USP37: variants seen among roughly 807,000 people sequenced by gnomAD.
USP37 encodes ubiquitin specific peptidase 37, also known as ubiquitin carboxyl-terminal hydrolase 37.
USP37 carries 27 observed loss-of-function variants against 124.0 expected under a neutral mutation model. That is an observed-to-expected ratio of 0.22 (90% CI 0.16 to 0.30). The LOEUF is 0.30. USP37 is among the 10% of genes least tolerant of loss of function. USP37 has a pLI of 1.00. For synonymous variants in USP37, 365 were observed against 388.0 expected (o/e 0.94, Z 0.70); for missense variants, 889 against 1,140.4 (o/e 0.78, Z 3.17).
chr2:218,497,310 A>C (rs1449507178), intron 13 of USP37, among the ~76,000 whole-genome samples: 1 of 149,290 alleles, frequency 6.7e-6, no homozygotes. Flanking sequence ...TGACCTCATG[A>C]TCCACCCACC....
intron 10 of USP37, among the ~76,000 whole-genome samples, chr2:218,513,711 A>G (rs1203494121): frequency 1.3e-5 from 2 of 152,228 alleles, no homozygotes; most frequent in Non-Finnish European, 2.9e-5. Context: ...AGATTCATCC[A>G]TTCTGCTGGG....
At chr2:218,477,013 T>TA in intron 18 of USP37, 32 bp from the exon 19 acceptor site, 1 of 1,478,686 alleles carries the variant, frequency 6.8e-7, no homozygotes, top group Non-Finnish European at 9.0e-7. Flanking sequence ...AAAAGCCTGA[T>TA]AAACATTTGT....
At position 218,483,809 on chromosome 2, in the gene USP37, C is replaced by T. The variant is rs546557333; in HGVS notation, c.1671-1575G>A. 5.9e-5 allele frequency among the ~76,000 whole-genome samples: 9 copies of T among 152,292 alleles called. No homozygotes were observed. The East Asian group carries it at 1.7e-3, about 29-fold the overall frequency. ...CTTTGCCTTAAGATTCTTCCTCCCA[C>T]CTTCCTGGCCTCAAACCACTCACAA... On this transcript the variant is annotated intron_variant, in intron 16 of 25. Coordinates refer to ENST00000258399, the MANE Select transcript of USP37 (RefSeq NM_020935.3).
intron 11 of USP37, among the ~76,000 whole-genome samples, chr2:218,502,318 A>C (rs112557180): frequency 0.013 from 1,948 of 152,278 alleles, 48 homozygotes; most frequent in African/African-American, 0.045. Flanking sequence ...GAAAATCACA[A>C]TATTTAAAAT....
intron 11 of USP37, among the ~76,000 whole-genome samples, chr2:218,500,049 G>A (rs1314915736): frequency 4.0e-5 from 6 of 151,456 alleles, no homozygotes; most frequent in East Asian, 2.0e-4. Flanking sequence ...GATTACAGGC[G>A]TGAGCCACTG....
chr2:218,480,850 G>A (rs1368129002), intron 17 of USP37, among the ~76,000 whole-genome samples: 1 of 152,332 alleles, frequency 6.6e-6, no homozygotes, highest in East Asian at 1.9e-4. Flanking sequence ...AAGCAAAAAC[G>A]TGAAAAGCTG....
At chr2:218,480,139 C>G (rs1324359582) in intron 17 of USP37, among the ~76,000 whole-genome samples, 4 of 150,242 alleles carry the variant, frequency 2.7e-5, no homozygotes, top group Non-Finnish European at 5.9e-5. Context: ...GAGTGAGACT[C>G]CATCTCAAAA....
intron 2 of USP37, among the ~76,000 whole-genome samples, chr2:218,561,366 T>C (rs1344616827): frequency 2.0e-5 from 3 of 152,170 alleles, no homozygotes; most frequent in Non-Finnish European, 4.4e-5. Flanking sequence ...CCATCAATTC[T>C]GCCTCCACAG....
chr2:218,504,315 ATTTC>A, intron 11 of USP37, among the ~76,000 whole-genome samples: 1 of 152,118 alleles, frequency 6.6e-6, no homozygotes, highest in Non-Finnish European at 1.5e-5. Context: ...TTCTACGTAT[ATTTC>A]TAGTATGCAG....
intron 20 of USP37, among the ~76,000 whole-genome samples, chr2:218,467,916 C>T (rs557828709): frequency 2.4e-4 from 36 of 147,146 alleles, no homozygotes; most frequent in African/African-American, 8.4e-4. Flanking sequence ...AAGACTGAGT[C>T]TTGCTCTGTC....
intron 22 of USP37, among the ~76,000 whole-genome samples, chr2:218,460,366 C>A: frequency 6.6e-6 from 1 of 151,954 alleles, no homozygotes; most frequent in East Asian, 1.9e-4. Flanking sequence ...CGTAATATGA[C>A]GGTCCAACAC....
At chr2:218,491,707 T>C (rs1688787469) in intron 14 of USP37, among the ~76,000 whole-genome samples, 1 of 152,186 alleles carries the variant, frequency 6.6e-6, no homozygotes, top group African/African-American at 2.4e-5. Flanking sequence ...AAGCCATCAT[T>C]ATACTGGGAG....
chr2:218,565,345 A>G (rs1437070548), intron 1 of USP37, among the ~76,000 whole-genome samples: 2 of 152,242 alleles, frequency 1.3e-5, no homozygotes, highest in Non-Finnish European at 2.9e-5. Flanking sequence ...TATACAAACC[A>G]CTACTCTGAT....
chr2:218,496,871 G>C (rs1689110165), intron 13 of USP37, among the ~76,000 whole-genome samples: 1 of 151,790 alleles, frequency 6.6e-6, no homozygotes, highest in Non-Finnish European at 1.5e-5. Context: ...GGCTGGTCTG[G>C]AACTCCTGAC....
intron 10 of USP37, among the ~76,000 whole-genome samples, chr2:218,514,841 T>G (rs1473160562): frequency 6.6e-6 from 1 of 152,240 alleles, no homozygotes; most frequent in Non-Finnish European, 1.5e-5. Context: ...CTCTTCAGTC[T>G]CTACACATTC....
At position 218,549,732 on chromosome 2, in the gene USP37, G is replaced by A. The variant is rs1475199070; in HGVS notation, c.429+77C>T. 12 of 1,399,860 alleles carry A rather than the reference G, an allele frequency of 8.6e-6. No homozygotes were observed. The Admixed American group carries it at 2.2e-4, about 26-fold the overall frequency. The allele number at this position is 1,399,860 out of a possible 1,614,324, so 86.7% of individuals were successfully genotyped here. On this transcript the variant is annotated intron_variant, in intron 6 of 25. Coordinates refer to ENST00000258399, the MANE Select transcript of USP37 (RefSeq NM_020935.3). ...CACCCGCCTCGGCCTCCCAAGTGCT[G>A]GGATTACAGGCGTGAGCCACTGTGC...
chr2:218,559,442 A>G (rs748584455), intron 3 of USP37, among the ~76,000 whole-genome samples: 8 of 152,362 alleles, frequency 5.3e-5, no homozygotes, highest in Non-Finnish European at 1.0e-4. Context: ...ATCCGTATGT[A>G]CAGAAGACAT....
chr2:218,465,886 T>C, intron 21 of USP37, 124 bp downstream of exon 21: 3 of 1,256,056 alleles, frequency 2.4e-6, no homozygotes, highest in Non-Finnish European at 3.3e-6. Context: ...CCCAATGACT[T>C]ACTCTATGTA....
At chr2:218,540,997 A>T (rs1051791151) in intron 8 of USP37, among the ~76,000 whole-genome samples, 1 of 152,164 alleles carries the variant, frequency 6.6e-6, no homozygotes, top group African/African-American at 2.4e-5. Context: ...TACCCTTTAA[A>T]AGTGCAGAAT....
Sources: gnomAD v4.1 joint callset for allele counts (sites outside exome capture counted in the v4.1 genomes callset) on GRCh38, gnomAD v4.1.1 for gene constraint, MANE v1.5 for transcripts, NCBI Gene and HGNC (gene_info 2026-07-23, HGNC 2026-07-21) for gene names.